ADGRG4: variants seen among roughly 807,000 people sequenced by gnomAD.
The protein encoded by ADGRG4 is adhesion G protein-coupled receptor G4.
A neutral mutation model predicts 126.2 loss-of-function variants in ADGRG4; 122 were observed. The ratio of observed to expected loss-of-function variants is 0.97; its 90% CI spans 0.83 to 1.12. The LOEUF (loss-of-function observed/expected upper bound fraction) is 1.12, where lower values mean the gene tolerates loss of function less well. Among genes scored for constraint, ADGRG4 ranks in the 50% most tolerant of loss-of-function variants. ADGRG4 has a pLI of 0.00. For synonymous variants in ADGRG4, 943 were observed against 838.7 expected (o/e 1.12, Z -2.15); for missense variants, 2,481 against 2,251.8 (o/e 1.10, Z -2.06).
At position 136,347,910 on chromosome X, in the gene ADGRG4, T is replaced by C; in HGVS notation, c.4204T>C (p.Tyr1402His). ...RTVEMIVNSTYVTHSVSYGQD... is the reference protein window; with the variant it reads ...RTVEMIVNSTHVTHSVSYGQD... ...TGTGGAAATGATAGTAAACTCCACC[T>C]ATGTGACTCACTCTGTCTCATATGG... Residue 1402 changes from tyrosine (Y) to histidine (H), a missense_variant, in exon 6 of 26, where the codon TAT (tyrosine) becomes CAT (histidine). By Grantham distance (83) the Tyr-to-His change is moderately conservative. Transcript: ENST00000394143. The C allele has an allele frequency of 8.3e-7, 1 of 1,209,432 alleles. No individual in the cohort carries two copies.
chrX:136,308,782 A>T lies in ADGRG4; in HGVS notation c.5A>T (p.Lys2Ile). Reference sequence around the variant, plus strand: ...TTTTAAACACAGACTTAGACAATGAAAGAACACATCATATATCAGAAGCTT... The same window carrying T: ...TTTTAAACACAGACTTAGACAATGATAGAACACATCATATATCAGAAGCTT... M[K>I]EHIIYQKLYG... The change falls in exon 4 of 26, where the codon AAA becomes ATA. Residue 2 changes from lysine (K) to isoleucine (I), a missense_variant. Coordinates refer to ENST00000394143, the MANE Select transcript of ADGRG4 (RefSeq NM_153834.4). 2 of 1,153,636 alleles carry T rather than the reference A, an allele frequency of 1.7e-6. No homozygotes were observed. The highest frequency in any genetic ancestry group is 2.4e-6 in the Non-Finnish European group (2 of 844,480).
chrX:136,345,692 G>A lies in ADGRG4; in HGVS notation c.1986G>A (p.Gln662=), dbSNP rs1355423009. The change falls in exon 6 of 26, where the codon CAG becomes CAA. Residue 662 remains glutamine, a synonymous_variant. Transcript: ENST00000394143. The part of the protein sequence containing the change: ...NETIWTSRPD[Q]ALLASMNTTT... ...CCATTTGGACTTCTAGGCCAGACCA[G>A]GCCCTGCTGGCATCTATGAACACAA... 8 of 1,209,552 alleles carry A rather than the reference G, an allele frequency of 6.6e-6. No homozygotes were observed. In the African/African-American group the frequency reaches 1.4e-4, roughly 21 times the overall value.
chrX:136,362,163 G>A (rs1255305288), intron 12 of ADGRG4, among the ~76,000 whole-genome samples: 2 of 111,118 alleles, frequency 1.8e-5, no homozygotes, highest in East Asian at 2.8e-4. Context: ...TGCTGTTCAT[G>A]GTTTATGCCA....
At chrX:136,375,034 C>G (rs766112370) in intron 15 of ADGRG4, among the ~76,000 whole-genome samples, 3 of 109,822 alleles carry the variant, frequency 2.7e-5, no homozygotes, top group East Asian at 2.9e-4. Context: ...CTTCACCCCC[C>G]CCACCACTCT....
At chrX:136,364,863 A>G (rs1181623821) in intron 13 of ADGRG4, among the ~76,000 whole-genome samples, 1 of 112,044 alleles carries the variant, frequency 8.9e-6, no homozygotes, top group Non-Finnish European at 1.9e-5. Context: ...TGAATATTAC[A>G]TATATGTCAG....
At chrX:136,412,473 A>G in intron 24 of ADGRG4, 107 bp downstream of exon 24, 1 of 519,448 alleles carries the variant, frequency 1.9e-6, no homozygotes, top group Non-Finnish European at 3.4e-6. Flanking sequence ...GCATCAAAAC[A>G]CAGGCTGTTT....
intron 5 of ADGRG4, among the ~76,000 whole-genome samples, chrX:136,341,223 A>G (rs913951030): frequency 8.0e-5 from 9 of 112,593 alleles, no homozygotes; most frequent in African/African-American, 2.9e-4. Flanking sequence ...AGAGTTTTCC[A>G]CTACTTATGG....
rs186628974 is a variant in ADGRG4, at chrX:136,306,871, T to C, written c.-10+1848T>C. On this transcript the variant is annotated intron_variant, in intron 3 of 25. Transcript: ENST00000394143. ...CTAGAATTATAGGCATGCGCCACCA[T>C]GCCCGGCTAATTTTGTATTTTTAGT... is the stretch of plus-strand genomic sequence containing the variant. Among the ~76,000 whole-genome samples, 73 of 110,843 alleles carry C rather than the reference T, an allele frequency of 6.6e-4. No individual in the cohort carries two copies. The East Asian group carries it at 0.014, about 22-fold the overall frequency.
rs948613228 is a variant in ADGRG4 at position 136,346,521 on chromosome X, G to A, written c.2815G>A (p.Ala939Thr). ...EMFNFNHTYV[A>T]HWTSETSEGI... ...GTTTAATTTTAACCACACCTATGTA[G>A]CACATTGGACTTCAGAGACATCTGA... The change falls in exon 6 of 26, where the codon GCA (alanine) becomes ACA (threonine). Residue 939 changes from alanine (A) to threonine (T), a missense_variant. Coordinates refer to ENST00000394143, the MANE Select transcript of ADGRG4 (RefSeq NM_153834.4). 10 of 1,203,918 alleles carry A rather than the reference G, an allele frequency of 8.3e-6. No homozygotes were observed. The highest frequency in any genetic ancestry group is 1.7e-5 in the African/African-American group (1 of 57,201).
chrX:136,333,413 C>G (rs1245703176), intron 5 of ADGRG4, among the ~76,000 whole-genome samples: 1 of 100,164 alleles, frequency 1.0e-5, no homozygotes, highest in African/African-American at 3.7e-5. Flanking sequence ...TGAGCCACCG[C>G]ACCCAGCCCT....
Position 136,363,361 on chromosome X carries a change from T to C in ADGRG4, c.7278-116T>C, listed in dbSNP as rs1011654837. 2.9e-5 allele frequency: 16 copies of C among 551,878 alleles called. No homozygotes were observed. In the Admixed American group the frequency reaches 4.2e-4, roughly 15 times the overall value. 45.5% of individuals were successfully genotyped at this position (551,878 alleles called of 1,213,427 possible). ...ACTGGGCTCCCACCTTTGCTTTCTA[T>C]GCCAGGAGGCTTGGGGCAGGCGAGG... On this transcript the variant is annotated intron_variant, in intron 12 of 25. Coordinates refer to ENST00000394143, the MANE Select transcript of ADGRG4 (RefSeq NM_153834.4).
chrX:136,304,601 A>C (rs945011686), intron 2 of ADGRG4, among the ~76,000 whole-genome samples: 1 of 112,442 alleles, frequency 8.9e-6, no homozygotes. Flanking sequence ...GCACAGAAAG[A>C]ACAGGATGTG....
At chrX:136,330,863 A>G (rs1383779548) in intron 5 of ADGRG4, among the ~76,000 whole-genome samples, 1 of 111,404 alleles carries the variant, frequency 9.0e-6, no homozygotes, top group Non-Finnish European at 1.9e-5. Flanking sequence ...TTATTTTTAA[A>G]TGAACAATTA....
chrX:136,357,872 C>T (rs1324808481), intron 10 of ADGRG4, 116 bp downstream of exon 10: 10 of 497,523 alleles, frequency 2.0e-5, no homozygotes, highest in Non-Finnish European at 3.5e-5. Flanking sequence ...GATCAAAGTA[C>T]CCAGTGATTA....
chrX:136,395,279 C>A (rs748766036), intron 18 of ADGRG4, 111 bp from the exon 19 acceptor site: 5 of 439,472 alleles, frequency 1.1e-5, no homozygotes, highest in Non-Finnish European at 1.5e-5. Flanking sequence ...ATCTTGCTAT[C>A]TCAGCAAATA....
At chrX:136,412,727 T>C (rs759699553) in intron 24 of ADGRG4, among the ~76,000 whole-genome samples, 2 of 112,210 alleles carry the variant, frequency 1.8e-5, no homozygotes, top group Admixed American at 1.9e-4. Flanking sequence ...TGAGTGGATG[T>C]AGGAAGCAAG....
At position 136,405,902 on chromosome X, in the gene ADGRG4, T is replaced by C; in HGVS notation, c.8865T>C (p.Phe2955=). The C allele has an allele frequency of 8.5e-7, 1 of 1,180,920 alleles. No homozygotes were observed. The highest frequency in any genetic ancestry group is 1.1e-6 in the Non-Finnish European group (1 of 879,297). ...LTFLLGLTWG[F]AFFAWGPMRN... ...TCTTACTTGGCCTCACCTGGGGGTT[T>C]GCATTTTTTGCTTGGGGACCCATGA... Residue 2955 remains phenylalanine (F), a synonymous_variant, in exon 23 of 26, where the codon TTT becomes TTC. Transcript: ENST00000394143.
chrX:136,375,179 C>T (rs1318230795), intron 15 of ADGRG4, among the ~76,000 whole-genome samples: 1 of 111,675 alleles, frequency 9.0e-6, no homozygotes, highest in Non-Finnish European at 1.9e-5. Context: ...ATAACAGCCT[C>T]TAGTTCCATC....
Position 136,412,371 on chromosome X carries a change from GATGTC to G in ADGRG4, c.9037+7_9037+11del, listed in dbSNP as rs1356528561. Reference sequence around the variant, plus strand: ...TGCGATTGGATAACTCTTCTGGTAAGATGTCAGTTTGGATGAAGTTTTGAATATTA... The same window carrying G: ...TGCGATTGGATAACTCTTCTGGTAAGAGTTTGGATGAAGTTTTGAATATTA... On this transcript the variant is annotated splice_donor_region_variant and intron_variant, in intron 24 of 25. Transcript: ENST00000394143. 9.1e-6 allele frequency: 10 copies of G among 1,103,791 alleles called. No individual in the cohort carries two copies. Among genetic ancestry groups the G allele is most frequent in the Non-Finnish European group, 1.3e-5 (10 of 798,122 alleles). The allele number at this position is 1,103,791 out of a possible 1,213,427, so 91.0% of individuals were successfully genotyped here. A position where few individuals can be genotyped will look rare whatever the true frequency, so the allele number is the denominator to read the frequency against.
Sources: gnomAD v4.1 joint callset for allele counts (sites outside exome capture counted in the v4.1 genomes callset) on GRCh38, gnomAD v4.1.1 for gene constraint, MANE v1.5 for transcripts, NCBI Gene and HGNC (gene_info 2026-07-23, HGNC 2026-07-21) for gene names.